NXPE4: variants seen among roughly 807,000 people sequenced by gnomAD.
NXPE4 encodes the protein NXPE family member 4.
A neutral mutation model predicts 33.3 loss-of-function variants in NXPE4; 42 were observed. That is an observed-to-expected ratio of 1.26 (90% confidence interval 0.98 to 1.63). The LOEUF (loss-of-function observed/expected upper bound fraction) is 1.63, where lower values mean the gene tolerates loss of function less well. Among genes scored for constraint, NXPE4 ranks in the 40% most tolerant of loss-of-function variants. NXPE4 has a pLI of 0.00. For synonymous variants in NXPE4, 253 were observed against 234.9 expected (o/e 1.08, Z -0.71); for missense variants, 709 against 647.6 (o/e 1.09, Z -1.03).
the NXPE4 span, among the ~76,000 whole-genome samples, chr11:114,629,705 C>T: frequency 2.0e-5 from 3 of 151,836 alleles, no homozygotes; most frequent in Admixed American, 6.6e-5. Context: ...AAAGGGTATT[C>T]AATTAGGAAA....
the NXPE4 span, among the ~76,000 whole-genome samples, chr11:114,641,604 G>C: frequency 6.6e-6 from 1 of 152,008 alleles, no homozygotes; most frequent in African/African-American, 2.4e-5. Context: ...AGAATAGGAA[G>C]AGAATAGCAC....
intron 2 of NXPE4, among the ~76,000 whole-genome samples, chr11:114,593,581 G>T (rs1183669046): frequency 1.2e-4 from 19 of 152,106 alleles, no homozygotes; most frequent in Non-Finnish European, 2.8e-4. Flanking sequence ...TGGTGGGAAT[G>T]TAATTAGTAC....
intron 2 of NXPE4, among the ~76,000 whole-genome samples, chr11:114,593,931 A>G (rs868440038): frequency 6.6e-6 from 1 of 152,190 alleles, no homozygotes. Context: ...ACAGAAGACA[A>G]ACTTTGCATG....
chr11:114,614,854 T>A, the NXPE4 span, among the ~76,000 whole-genome samples: 110 of 151,998 alleles, frequency 7.2e-4, no homozygotes, highest in African/African-American at 2.6e-3. Context: ...TGTTGCCTTA[T>A]GGGTTACCAC....
chr11:114,616,879 C>T, the NXPE4 span, among the ~76,000 whole-genome samples: 8 of 151,900 alleles, frequency 5.3e-5, no homozygotes, highest in East Asian at 5.8e-4. Flanking sequence ...GACTGTTACC[C>T]GCTGGATACT....
the NXPE4 span, among the ~76,000 whole-genome samples, chr11:114,614,215 A>G: frequency 6.6e-6 from 1 of 151,858 alleles, no homozygotes. Flanking sequence ...TTAATGGATA[A>G]TAAGTGTTGC....
At chr11:114,639,983 TATAATA>T in the NXPE4 span, among the ~76,000 whole-genome samples, 1 of 117,036 alleles carries the variant, frequency 8.5e-6, no homozygotes, top group Non-Finnish European at 1.6e-5. Context: ...TATAATATAA[TATAATA>T]ATGTTATATA....
chr11:114,612,034 G>C, the NXPE4 span, among the ~76,000 whole-genome samples: 1 of 151,930 alleles, frequency 6.6e-6, no homozygotes, highest in Non-Finnish European at 1.5e-5. Context: ...CTGTTACCTG[G>C]TGGATAAGAA....
the NXPE4 span, among the ~76,000 whole-genome samples, chr11:114,629,470 AC>A: frequency 1.3e-5 from 2 of 151,120 alleles, no homozygotes; most frequent in African/African-American, 2.4e-5. Flanking sequence ...AAATTCAACA[AC>A]CCTTCATGCT....
the NXPE4 span, among the ~76,000 whole-genome samples, chr11:114,635,985 G>A: frequency 6.6e-6 from 1 of 152,058 alleles, no homozygotes; most frequent in South Asian, 2.1e-4. Context: ...CTCATAAAAT[G>A]AGTTAGGGAG....
At chr11:114,618,188 C>T in the NXPE4 span, among the ~76,000 whole-genome samples, 1 of 146,924 alleles carries the variant, frequency 6.8e-6, no homozygotes, top group African/African-American at 2.5e-5. Flanking sequence ...CCGGTGGATA[C>T]TAAGTATTGC....
chr11:114,651,601 C>CTGAT, the NXPE4 span, among the ~76,000 whole-genome samples: 2 of 152,204 alleles, frequency 1.3e-5, no homozygotes, highest in Non-Finnish European at 2.9e-5. Flanking sequence ...CCACATCCTA[C>CTGAT]TGATTGGTCC....
intron 2 of NXPE4, chr11:114,583,887 G>T (rs1949217068): frequency 5.1e-6 from 2 of 391,330 alleles, no homozygotes; most frequent in Non-Finnish European, 9.9e-6. Flanking sequence ...GGGGACTTAT[G>T]GGTTATTGGG....
At chr11:114,601,937 AT>A in the NXPE4 span, among the ~76,000 whole-genome samples, 2 of 82,088 alleles carry the variant, frequency 2.4e-5, no homozygotes, top group African/African-American at 5.0e-5. Flanking sequence ...ATTTATATAT[AT>A]TATATAATTA....
chr11:114,607,668 A>C, the NXPE4 span, among the ~76,000 whole-genome samples: 15 of 151,588 alleles, frequency 9.9e-5, 1 homozygote, highest in South Asian at 2.5e-3. Flanking sequence ...ACAGTGGATA[A>C]TAAGTGTTGA....
chr11:114,664,894 C>T, the NXPE4 span, among the ~76,000 whole-genome samples: 6 of 152,148 alleles, frequency 3.9e-5, no homozygotes, highest in Non-Finnish European at 7.4e-5. Flanking sequence ...TGATTTTGCC[C>T]AGCTGTTGGC....
the NXPE4 span, among the ~76,000 whole-genome samples, chr11:114,656,659 C>CA: frequency 6.6e-6 from 1 of 151,524 alleles, no homozygotes; most frequent in East Asian, 2.0e-4. Flanking sequence ...AATCAATGGG[C>CA]AAAAATCACA....
At chr11:114,619,360 G>T in the NXPE4 span, among the ~76,000 whole-genome samples, 4 of 152,136 alleles carry the variant, frequency 2.6e-5, no homozygotes, top group East Asian at 5.8e-4. Context: ...TTACCCGGTA[G>T]ATAATAAGTG....
At chr11:114,634,032 C>T in the NXPE4 span, among the ~76,000 whole-genome samples, 19 of 151,946 alleles carry the variant, frequency 1.3e-4, no homozygotes, top group South Asian at 4.2e-4. Flanking sequence ...CCTGAGGATT[C>T]GCCACACTGA....
Sources: gnomAD v4.1 joint callset for allele counts (sites outside exome capture counted in the v4.1 genomes callset) on GRCh38, gnomAD v4.1.1 for gene constraint, MANE v1.5 for transcripts, NCBI Gene and HGNC (gene_info 2026-07-23, HGNC 2026-07-21) for gene names.